ZNF385B: variants seen among roughly 807,000 people sequenced by gnomAD.
ZNF385B encodes zinc finger protein 533.
A neutral mutation model predicts 39.2 loss-of-function variants in ZNF385B; 23 were observed. That is an observed-to-expected ratio of 0.59 (90% CI 0.42 to 0.83). The LOEUF is 0.83. Among genes scored for constraint, ZNF385B ranks in the 40% least tolerant of loss-of-function variants. The pLI is 0.00. For synonymous variants in ZNF385B, 205 were observed against 222.6 expected (o/e 0.92, Z 0.70); for missense variants, 552 against 598.9 (o/e 0.92, Z 0.82).
intron 3 of ZNF385B, among the ~76,000 whole-genome samples, chr2:179,671,706 G>A (rs574267851): frequency 6.6e-6 from 1 of 152,290 alleles, no homozygotes; most frequent in Non-Finnish European, 1.5e-5. Context: ...CAGCCCCTCT[G>A]TCTCAAGGCT....
chr2:179,711,637 G>A (rs534038404), intron 3 of ZNF385B, among the ~76,000 whole-genome samples: 33 of 152,166 alleles, frequency 2.2e-4, no homozygotes, highest in African/African-American at 1.2e-4. Flanking sequence ...TCTAAATCCC[G>A]GCCCATCCCA....
Position 179,814,566 on chromosome 2 carries a change from G to A in ZNF385B, c.-154-43894C>T, listed in dbSNP as rs545662939. ...CAACAACAAGATTAACTGGGCCATG[G>A]AGGACAAGCAGGAGATGGTCGACAT... On this transcript the variant is annotated intron_variant, in intron 1 of 9. Coordinates refer to ENST00000410066, the MANE Select transcript of ZNF385B (RefSeq NM_152520.6). 4.3e-4 allele frequency: 332 copies of A among 770,752 alleles called. 2 individuals are homozygous for A. Among genetic ancestry groups the A allele is most frequent in the South Asian group, 4.3e-3 (323 of 75,252 alleles). 47.7% of individuals were successfully genotyped at this position (770,752 alleles called of 1,614,324 possible).
intron 1 of ZNF385B, among the ~76,000 whole-genome samples, chr2:179,835,600 C>A (rs532516935): frequency 2.0e-5 from 3 of 152,106 alleles, no homozygotes; most frequent in Non-Finnish European, 4.4e-5. Flanking sequence ...GCACTATCTG[C>A]CCCTGTCAGT....
chr2:179,532,344 A>G (rs2059302657), intron 4 of ZNF385B, among the ~76,000 whole-genome samples: 1 of 152,236 alleles, frequency 6.6e-6, no homozygotes, highest in Admixed American at 6.5e-5. Context: ...GAGCAAATGA[A>G]ATCACCAAGT....
intron 1 of ZNF385B, among the ~76,000 whole-genome samples, chr2:179,805,377 A>C (rs1195694757): frequency 1.3e-5 from 2 of 152,348 alleles, no homozygotes; most frequent in African/African-American, 4.8e-5. Context: ...AAGGCATAAT[A>C]AAATGATTGT....
chr2:179,776,744 A>T (rs1704345096), intron 1 of ZNF385B, among the ~76,000 whole-genome samples: 3 of 152,160 alleles, frequency 2.0e-5, no homozygotes, highest in Non-Finnish European at 4.4e-5. Flanking sequence ...TTGAACAACA[A>T]CTGGCTTGGG....
chr2:179,584,055 A>C (rs1686827242), intron 3 of ZNF385B: 1 of 735,440 alleles, frequency 1.4e-6, no homozygotes, highest in South Asian at 1.4e-5. Flanking sequence ...GTTTTCCAAA[A>C]GCTTATAGTC....
At chr2:179,566,113 C>T (rs902242354) in intron 3 of ZNF385B, among the ~76,000 whole-genome samples, 3 of 152,180 alleles carry the variant, frequency 2.0e-5, no homozygotes, top group African/African-American at 7.2e-5. Flanking sequence ...AAGAACTGTG[C>T]TGCTGCATAC....
At chr2:179,611,261 A>G (rs1689265065) in intron 3 of ZNF385B, among the ~76,000 whole-genome samples, 1 of 152,198 alleles carries the variant, frequency 6.6e-6, no homozygotes, top group South Asian at 2.1e-4. Flanking sequence ...GAGATGTTGA[A>G]TGTTATCACA....
intron 3 of ZNF385B, among the ~76,000 whole-genome samples, chr2:179,595,654 C>T (rs1292552181): frequency 2.7e-5 from 4 of 146,520 alleles, no homozygotes; most frequent in Admixed American, 6.8e-5. Context: ...GAGACAGGGT[C>T]TCACTCTGTT....
chr2:179,521,081 CA>C (rs11352091), intron 4 of ZNF385B, among the ~76,000 whole-genome samples: 111,474 of 151,934 alleles, frequency 0.73, 41,508 homozygotes, highest in East Asian at 0.91. Context: ...TTGACATCTC[CA>C]AAAAAATCTT....
At chr2:179,772,003 T>C (rs952792802) in intron 1 of ZNF385B, among the ~76,000 whole-genome samples, 3 of 152,204 alleles carry the variant, frequency 2.0e-5, no homozygotes, top group African/African-American at 7.2e-5. Context: ...TCTGAAAATT[T>C]AACCTGGAGG....
At chr2:179,845,053 G>C (rs1234293896) in intron 1 of ZNF385B, among the ~76,000 whole-genome samples, 1 of 151,980 alleles carries the variant, frequency 6.6e-6, no homozygotes, top group Non-Finnish European at 1.5e-5. Flanking sequence ...CACCATACAA[G>C]ACTGATGCTC....
At chr2:179,838,339 G>A (rs983183418) in intron 1 of ZNF385B, among the ~76,000 whole-genome samples, 4 of 152,128 alleles carry the variant, frequency 2.6e-5, no homozygotes, top group African/African-American at 7.2e-5. Flanking sequence ...TGATTACAAC[G>A]CTAGTACTTC....
chr2:179,626,763 A>G (rs1416302860), intron 3 of ZNF385B, among the ~76,000 whole-genome samples: 2 of 152,224 alleles, frequency 1.3e-5, no homozygotes, highest in African/African-American at 4.8e-5. Context: ...AAAAGAAAAA[A>G]AAGACCCAAC....
chr2:179,467,304 A>T (rs2052171711), intron 6 of ZNF385B, among the ~76,000 whole-genome samples: 1 of 152,200 alleles, frequency 6.6e-6, no homozygotes, highest in Non-Finnish European at 1.5e-5. Flanking sequence ...GCTTTAGCTC[A>T]TAACACCCAC....
At chr2:179,718,431 T>G (rs1421397982) in intron 3 of ZNF385B, among the ~76,000 whole-genome samples, 1 of 148,062 alleles carries the variant, frequency 6.8e-6, no homozygotes, top group Non-Finnish European at 1.5e-5. Flanking sequence ...ATATATATAT[T>G]TCTTCCAGCA....
chr2:179,505,543 C>A (rs1213732387), intron 5 of ZNF385B, among the ~76,000 whole-genome samples: 2 of 152,018 alleles, frequency 1.3e-5, no homozygotes, highest in South Asian at 2.1e-4. Context: ...AATGTTATTT[C>A]TTTCCAAGGA....
chr2:179,695,375 T>A (rs774052337), intron 3 of ZNF385B, among the ~76,000 whole-genome samples: 1 of 151,974 alleles, frequency 6.6e-6, no homozygotes, highest in Non-Finnish European at 1.5e-5. Flanking sequence ...GTGCCTCAAA[T>A]GACACCATCA....
Sources: allele counts gnomAD v4.1 joint callset (sites outside exome capture counted in the v4.1 genomes callset), GRCh38; gene constraint gnomAD v4.1.1; transcripts MANE v1.5; gene names NCBI Gene and HGNC (gene_info 2026-07-23, HGNC 2026-07-21).